The following TFPI variants were observed in gnomAD, a reference collection of about 807,000 sequenced individuals.
The protein encoded by TFPI is anti-convertin.
Under a neutral mutation model 34.6 loss-of-function variants are expected in TFPI, and 15 were observed. The observed-to-expected ratio is 0.43, with a 90% confidence interval of 0.29 to 0.67. The LOEUF is 0.67. TFPI is among the 30% of genes least tolerant of loss of function. The pLI is 0.15. For missense variants in TFPI, 301 were observed against 364.0 expected (o/e 0.83, Z 1.41); for synonymous variants, 105 against 120.1 (o/e 0.87, Z 0.82).
intron 3 of TFPI, among the ~76,000 whole-genome samples, chr2:187,489,184 G>A (rs1574408634): frequency 6.6e-6 from 1 of 151,444 alleles, no homozygotes; most frequent in Non-Finnish European, 1.5e-5. Context: ...GAAAGGGAGC[G>A]AGAGAGAGAA....
chr2:187,468,913 TACAG>T (rs1471851134), intron 6 of TFPI, among the ~76,000 whole-genome samples: 2 of 151,864 alleles, frequency 1.3e-5, no homozygotes, highest in African/African-American at 4.8e-5. Context: ...TACAAGCAAA[TACAG>T]AGGAGGAAGA....
chr2:187,484,602 A>G, intron 5 of TFPI: 1 of 514,274 alleles, frequency 1.9e-6, no homozygotes, highest in Non-Finnish European at 3.3e-6. Context: ...AAATAATGCA[A>G]CATAAAAAGT....
intron 3 of TFPI, among the ~76,000 whole-genome samples, chr2:187,493,124 G>A (rs1349791838): frequency 1.3e-5 from 2 of 152,148 alleles, no homozygotes; most frequent in African/African-American, 2.4e-5. Context: ...CACCCATGCA[G>A]CAAACTTTTA....
intron 6 of TFPI, among the ~76,000 whole-genome samples, chr2:187,482,005 C>T (rs762092817): frequency 2.6e-4 from 39 of 152,024 alleles, no homozygotes; most frequent in Admixed American, 5.9e-4. Flanking sequence ...TATCAGAGGC[C>T]ATTTAAAACT....
intron 4 of TFPI, among the ~76,000 whole-genome samples, chr2:187,487,252 A>G (rs1344156719): frequency 6.6e-6 from 1 of 151,482 alleles, no homozygotes; most frequent in Non-Finnish European, 1.5e-5. Flanking sequence ...TATTACAGAT[A>G]AGGCCTTCAT....
rs1011529645 is a variant in TFPI, at chr2:187,488,330, T to C, written c.358+7A>G. On this transcript the variant is annotated splice_region_variant and intron_variant, in intron 4 of 7. Coordinates refer to ENST00000233156, the MANE Select transcript of TFPI (RefSeq NM_006287.6). ...TGCTTCAAATTTACAGACAAATAAA[T>C]GTTCACCTTGTTGCAATGTTGTCTT... 1 of 1,562,138 alleles carries C rather than the reference T, an allele frequency of 6.4e-7. No homozygotes were observed. The highest frequency in any genetic ancestry group is 8.6e-7 in the Non-Finnish European group (1 of 1,160,652).
rs563646762 is a variant in TFPI, at chr2:187,465,959, A to G, written c.*977T>C. ...AACTCCAGCAAAATATTAAATCCCC[A>G]AGAATGACTAGCACATGAATTTTCT... On this transcript the variant is annotated 3_prime_UTR_variant, in exon 8 of 8. Coordinates refer to ENST00000233156, the MANE Select transcript of TFPI (RefSeq NM_006287.6). The G allele has an allele frequency of 6.6e-5, 10 of 152,252 alleles. 1 individual carries two copies. In the South Asian group the frequency reaches 1.0e-3, roughly 16 times the overall value. The allele number at this position is 152,252 out of a possible 1,614,324, so 9.4% of individuals were successfully genotyped here.
intron 6 of TFPI, among the ~76,000 whole-genome samples, chr2:187,472,228 G>A (rs747045133): frequency 3.3e-5 from 5 of 151,682 alleles, no homozygotes; most frequent in Non-Finnish European, 5.9e-5. Context: ...TTTTATATAG[G>A]CCTCACTCTT....
intron 1 of TFPI, among the ~76,000 whole-genome samples, chr2:187,542,965 A>C (rs1688662340): frequency 6.6e-6 from 1 of 152,118 alleles, no homozygotes; most frequent in Non-Finnish European, 1.5e-5. Flanking sequence ...CCCTCCAGAT[A>C]CAGGAATTTA....
At chr2:187,467,299 G>T (rs945351600) in intron 7 of TFPI, among the ~76,000 whole-genome samples, 5 of 151,838 alleles carry the variant, frequency 3.3e-5, no homozygotes, top group Non-Finnish European at 7.4e-5. Flanking sequence ...ATCCATGCTT[G>T]CTTTATTTTT....
At position 187,466,044 on chromosome 2, in the gene TFPI, A is replaced by G. The variant is rs1018145371; in HGVS notation, c.*892T>C. 5 of 152,212 alleles carry G rather than the reference A, an allele frequency of 3.3e-5. No individual in the cohort carries two copies. The highest frequency in any genetic ancestry group is 7.3e-5 in the Non-Finnish European group (5 of 68,036). The allele number at this position is 152,212 out of a possible 1,614,324, so 9.4% of individuals were successfully genotyped here. On this transcript the variant is annotated 3_prime_UTR_variant, in exon 8 of 8. Coordinates refer to ENST00000233156, the MANE Select transcript of TFPI (RefSeq NM_006287.6). ...ACAGAAATAACCTACTTTTTAAAGCATGAATTATTAGTTGCATTGTGTGCA... is the reference window on the plus strand; with the variant it reads ...ACAGAAATAACCTACTTTTTAAAGCGTGAATTATTAGTTGCATTGTGTGCA...
At chr2:187,526,182 T>C (rs1687667267) in intron 1 of TFPI, among the ~76,000 whole-genome samples, 1 of 152,146 alleles carries the variant, frequency 6.6e-6, no homozygotes, top group South Asian at 2.1e-4. Flanking sequence ...TCTCAGACTT[T>C]TTGAAGGTCT....
At chr2:187,543,692 T>A (rs539594415) in intron 1 of TFPI, among the ~76,000 whole-genome samples, 183 of 152,350 alleles carry the variant, frequency 1.2e-3, no homozygotes, top group Middle Eastern at 3.4e-3. Flanking sequence ...CCCACATTAA[T>A]CATGGTGATT....
intron 1 of TFPI, among the ~76,000 whole-genome samples, chr2:187,535,180 G>A (rs1688184129): frequency 6.6e-6 from 1 of 152,110 alleles, no homozygotes; most frequent in Non-Finnish European, 1.5e-5. Context: ...ACAGATCAAT[G>A]AGACAGAAAG....
At chr2:187,528,149 C>G (rs1687771885) in intron 1 of TFPI, among the ~76,000 whole-genome samples, 1 of 152,094 alleles carries the variant, frequency 6.6e-6, no homozygotes, top group African/African-American at 2.4e-5. Context: ...CTACATCACT[C>G]TATCCACATA....
At chr2:187,550,391 T>C (rs945831673) in intron 1 of TFPI, among the ~76,000 whole-genome samples, 6 of 152,076 alleles carry the variant, frequency 3.9e-5, no homozygotes, top group African/African-American at 1.4e-4. Flanking sequence ...AACCATAGAA[T>C]AAACAATTCT....
At chr2:187,520,522 G>C (rs1011231619) in intron 1 of TFPI, 2 of 152,164 alleles carry the variant, frequency 1.3e-5, no homozygotes, top group Non-Finnish European at 2.9e-5. Flanking sequence ...ACCTCAGCTG[G>C]AAATGCAGAA....
intron 1 of TFPI, among the ~76,000 whole-genome samples, chr2:187,545,767 A>T (rs2106321115): frequency 6.6e-6 from 1 of 152,304 alleles, no homozygotes; most frequent in African/African-American, 2.4e-5. Flanking sequence ...AAATTAAAGA[A>T]AATTAATTAA....
intron 6 of TFPI, among the ~76,000 whole-genome samples, chr2:187,481,363 A>G (rs1297952274): frequency 6.6e-6 from 1 of 152,088 alleles, no homozygotes; most frequent in African/African-American, 2.4e-5. Flanking sequence ...GTAAGCAGTG[A>G]CAGATGTAAT....
Sources: gnomAD v4.1 joint callset for allele counts (sites outside exome capture counted in the v4.1 genomes callset) on GRCh38, gnomAD v4.1.1 for gene constraint, MANE v1.5 for transcripts, NCBI Gene and HGNC (gene_info 2026-07-23, HGNC 2026-07-21) for gene names.